ACER2: variants seen among roughly 807,000 people sequenced by gnomAD.
ACER2 encodes alkaline ceramidase 2.
ACER2 carries 26 observed loss-of-function variants against 34.7 expected under a neutral mutation model. That is an observed-to-expected ratio of 0.75 (90% CI 0.55 to 1.04). ACER2 has a LOEUF of 1.04. Ranked by LOEUF, ACER2 falls within the 50% of genes least tolerant of loss-of-function variation. ACER2 has a pLI of 0.00. For synonymous variants in ACER2, 138 were observed against 132.1 expected (o/e 1.04, Z -0.31); for missense variants, 352 against 340.8 (o/e 1.03, Z -0.26).
intron 4 of ACER2, among the ~76,000 whole-genome samples, chr9:19,438,259 C>G (rs1009554861): frequency 6.6e-6 from 1 of 152,214 alleles, no homozygotes; most frequent in Non-Finnish European, 1.5e-5. Flanking sequence ...GATATTTAGT[C>G]TAGTATCTGT....
chr9:19,419,184 T>C (rs1024215605), intron 1 of ACER2, among the ~76,000 whole-genome samples: 3 of 152,012 alleles, frequency 2.0e-5, no homozygotes, highest in African/African-American at 7.2e-5. Context: ...AGAGCAAAAC[T>C]CCATCTCAAA....
At chr9:19,426,508 A>G (rs910480685) in intron 3 of ACER2, among the ~76,000 whole-genome samples, 1 of 151,730 alleles carries the variant, frequency 6.6e-6, no homozygotes, top group Admixed American at 6.6e-5. Flanking sequence ...TTGAGAGCTG[A>G]GGAATCGCTT....
At chr9:19,440,846 T>A (rs1288627461) in intron 4 of ACER2, among the ~76,000 whole-genome samples, 1 of 152,110 alleles carries the variant, frequency 6.6e-6, no homozygotes. Context: ...CTAACCTGTC[T>A]AATTCCATGT....
chr9:19,446,477 G>C (rs1267254811), intron 5 of ACER2, 59 bp downstream of exon 5: 10 of 1,609,306 alleles, frequency 6.2e-6, no homozygotes, highest in Middle Eastern at 1.7e-4. Flanking sequence ...TTGCTGTTGG[G>C]CTCTGTTCAC....
At chr9:19,437,634 T>A (rs900907586) in intron 4 of ACER2, among the ~76,000 whole-genome samples, 1 of 152,210 alleles carries the variant, frequency 6.6e-6, no homozygotes, top group Non-Finnish European at 1.5e-5. Flanking sequence ...TCCTTCTGCA[T>A]GTCCTATGAC....
chr9:19,416,689 C>T (rs1830250152), intron 1 of ACER2, among the ~76,000 whole-genome samples: 1 of 145,120 alleles, frequency 6.9e-6, no homozygotes, highest in Non-Finnish European at 1.5e-5. Context: ...CCATGCCCAG[C>T]TAATTTTTTT....
At chr9:19,411,246 T>G (rs1589028169) in intron 1 of ACER2, among the ~76,000 whole-genome samples, 1 of 152,216 alleles carries the variant, frequency 6.6e-6, no homozygotes, top group Non-Finnish European at 1.5e-5. Context: ...ACAAACTTTA[T>G]TCCTTGGAAT....
At position 19,409,148 on chromosome 9, in the gene ACER2, G is replaced by A. The variant is rs763644748; in HGVS notation, c.64G>A (p.Asp22Asn). 2.5e-6 allele frequency: 4 copies of A among 1,607,252 alleles called. No homozygotes were observed. The South Asian group carries it at 4.5e-5, about 18-fold the overall frequency. The change falls in exon 1 of 6, where the codon GAC becomes AAC. Residue 22 changes from aspartate (D) to asparagine (N), a missense_variant. Coordinates refer to ENST00000340967, the MANE Select transcript of ACER2 (RefSeq NM_001010887.3). Reference protein sequence around the residue: ...AGSSEVDWCEDNYTIVPAIAE... With the variant: ...AGSSEVDWCENNYTIVPAIAE... ...TAGCTCGGAGGTGGACTGGTGCGAG[G>A]ACAACTACACCATCGTGCCTGCTAT...
At chr9:19,416,540 A>G (rs191783417) in intron 1 of ACER2, among the ~76,000 whole-genome samples, 2 of 151,682 alleles carry the variant, frequency 1.3e-5, no homozygotes, top group East Asian at 1.9e-4. Flanking sequence ...ATTTTATTAT[A>G]TTTTATTTTT....
intron 3 of ACER2, among the ~76,000 whole-genome samples, chr9:19,433,793 C>A (rs1481610070): frequency 6.8e-6 from 1 of 146,862 alleles, no homozygotes; most frequent in Non-Finnish European, 1.5e-5. Flanking sequence ...GCTGACCCCC[C>A]CACCTCCTTC....
intron 3 of ACER2, among the ~76,000 whole-genome samples, chr9:19,430,662 A>G (rs1830722608): frequency 6.6e-6 from 1 of 152,130 alleles, no homozygotes; most frequent in Non-Finnish European, 1.5e-5. Flanking sequence ...CTCCCTAAAG[A>G]AAGCATGTTT....
intron 1 of ACER2, 110 bp from the exon 2 acceptor site, chr9:19,423,752 G>A (rs988279966): frequency 2.5e-6 from 2 of 798,974 alleles, no homozygotes; most frequent in African/African-American, 1.7e-5. Flanking sequence ...TAAACGAGAT[G>A]TGTGACCACA....
intron 3 of ACER2, among the ~76,000 whole-genome samples, chr9:19,426,544 C>G (rs987169943): frequency 2.6e-5 from 4 of 152,006 alleles, no homozygotes; most frequent in Non-Finnish European, 5.9e-5. Flanking sequence ...TTTTTCAAGT[C>G]TGAGTAAGAA....
intron 1 of ACER2, among the ~76,000 whole-genome samples, chr9:19,414,508 C>T (rs559050338): frequency 2.6e-5 from 4 of 152,254 alleles, no homozygotes; most frequent in African/African-American, 4.8e-5. Context: ...GTGGGCTAGG[C>T]GCAGTGGCTC....
chr9:19,425,895 A>G (rs971140451), intron 3 of ACER2, among the ~76,000 whole-genome samples: 10 of 152,236 alleles, frequency 6.6e-5, no homozygotes, highest in African/African-American at 2.4e-4. Context: ...TTATACCAGG[A>G]AAAGAAAATA....
chr9:19,432,037 G>A (rs536615534), intron 3 of ACER2, among the ~76,000 whole-genome samples: 7 of 152,240 alleles, frequency 4.6e-5, no homozygotes, highest in Admixed American at 1.3e-4. Flanking sequence ...CAGCCTTTTC[G>A]TTTTACAGAT....
chr9:19,410,632 C>G (rs1830060492), intron 1 of ACER2, among the ~76,000 whole-genome samples: 1 of 152,160 alleles, frequency 6.6e-6, no homozygotes, highest in Non-Finnish European at 1.5e-5. Context: ...ATCACCTGAG[C>G]CTGGGAGTTG....
intron 1 of ACER2, among the ~76,000 whole-genome samples, chr9:19,414,085 C>T (rs1830166462): frequency 6.6e-6 from 1 of 152,178 alleles, no homozygotes; most frequent in Non-Finnish European, 1.5e-5. Context: ...TGCAAGAAGG[C>T]TTCTGAATAG....
chr9:19,444,308 T>C (rs1385477730), intron 4 of ACER2, among the ~76,000 whole-genome samples: 1 of 149,868 alleles, frequency 6.7e-6, no homozygotes, highest in Non-Finnish European at 1.5e-5. Flanking sequence ...GCCTCCCGGG[T>C]TCACGCCATT....
Sources: allele counts gnomAD v4.1 joint callset (sites outside exome capture counted in the v4.1 genomes callset), GRCh38; gene constraint gnomAD v4.1.1; transcripts MANE v1.5; gene names NCBI Gene and HGNC (gene_info 2026-07-23, HGNC 2026-07-21).